Variants in FRY observed in about 807,000 individuals in gnomAD.
FRY encodes protein furry homolog.
A neutral mutation model predicts 348.4 loss-of-function variants in FRY; 128 were observed. The ratio of observed to expected loss-of-function variants is 0.37; its 90% CI spans 0.32 to 0.43. The LOEUF is 0.43. Ranked by LOEUF, FRY falls within the 20% of genes least tolerant of loss-of-function variation. The pLI, the probability that FRY is intolerant of heterozygous loss-of-function variation, is 1.00. For missense variants in FRY, 2,736 were observed against 3,695.2 expected, an observed-to-expected ratio of 0.74 and a Z score of 6.73; for synonymous variants, 1,370 against 1,374.7, an observed-to-expected ratio of 1.00 and a Z score of 0.08.
In FRY at chr13:32,234,728, G is replaced by A; in HGVS notation, c.5682G>A (p.Val1894=). Residue 1894 remains valine (V), a synonymous_variant, in exon 42 of 61, where the codon GTG becomes GTA. Coordinates refer to ENST00000542859, the MANE Select transcript of FRY (RefSeq NM_023037.3). ...HALSDLLSRL[V]EVIGEHGDEI... is the part of the protein sequence containing the mutation. ...TATCTGACCTTCTCTCAAGATTGGT[G>A]GAGGTGATAGGAGAACATGGAGATG... is the stretch of plus-strand genomic sequence containing the variant. The A allele has an allele frequency of 6.2e-7, 1 of 1,614,134 alleles. No homozygotes were observed. Among genetic ancestry groups the A allele is most frequent in the Non-Finnish European group, 8.5e-7 (1 of 1,180,000 alleles).
intron 55 of FRY, among the ~76,000 whole-genome samples, chr13:32,274,050 A>T (rs1034010359): frequency 6.6e-6 from 1 of 152,212 alleles, no homozygotes. Context: ...AGCATTTCAG[A>T]TAAGGGATAC....
chr13:32,292,790 C>CAATAAA (rs1555277255), intron 59 of FRY, among the ~76,000 whole-genome samples: 1 of 141,016 alleles, frequency 7.1e-6, no homozygotes, highest in Non-Finnish European at 1.5e-5. Flanking sequence ...GACTCCATCT[C>CAATAAA]AATAAATAAA....
intron 1 of FRY, among the ~76,000 whole-genome samples, chr13:32,059,590 A>G (rs1593569236): frequency 6.6e-6 from 1 of 151,370 alleles, no homozygotes; most frequent in East Asian, 1.9e-4. Context: ...GTTGTGTTAC[A>G]TGGTGATATT....
rs2138547017 is a variant in FRY, at chr13:32,262,469, T to C, written c.7773T>C (p.Gly2591=). ...TGAATAATCTGCAGATTTCTGAGGG[T>C]TCAAAGGTGAAGAGATTTTAACAAT... ...PDMNNLQISE[G]SKAEAVREEE... is the part of the protein sequence containing the mutation. The change falls in exon 53 of 61, where the codon GGT becomes GGC. Residue 2591 remains glycine, a synonymous_variant. Transcript: ENST00000542859. 1 of 1,612,140 alleles carries C rather than the reference T, an allele frequency of 6.2e-7. No individual in the cohort carries two copies. The highest frequency in any genetic ancestry group is 1.3e-5 in the African/African-American group (1 of 74,978).
chr13:32,059,766 C>T (rs1267688459), intron 1 of FRY, among the ~76,000 whole-genome samples: 10 of 152,134 alleles, frequency 6.6e-5, no homozygotes, highest in Admixed American at 5.2e-4. Context: ...ATGAGAAGGA[C>T]TTTACCCTCT....
rs1025105078 is a variant in FRY, at chr13:32,237,620, A to C, written c.6052A>C (p.Thr2018Pro). The change falls in exon 44 of 61, where the codon ACC becomes CCC. Residue 2018 changes from threonine to proline, a missense_variant. Physicochemically the swap from Thr to Pro is conservative, Grantham distance 38. Transcript: ENST00000542859. This position sits in a 1 kb window ranked among gnomAD's most constrained non-coding sequence, Gnocchi z 6.3. ...ACTQQGLSSK[T>P]RSSSSLKDSL... ...TACCCAACAAGGCCTCTCCTCAAAA[A>C]CCAGAAGCTCATCCTCCTTGAAGGA... 6.2e-7 allele frequency: 1 copy of C among 1,613,992 alleles called. No homozygotes were observed. Among genetic ancestry groups the C allele is most frequent in the East Asian group, 2.2e-5 (1 of 44,866 alleles).
chr13:32,031,999 C>CTCTTTCTT (rs11272632), intron 1 of FRY, 134 bp downstream of exon 1: 14,783 of 617,956 alleles, frequency 0.024, 252 homozygotes, highest in African/African-American at 0.034. Context: ...CTTTTCTTTT[C>CTCTTTCTT]TCTTTCTTTC....
chr13:32,285,110 C>T (rs1209772465), intron 58 of FRY, among the ~76,000 whole-genome samples: 1 of 152,060 alleles, frequency 6.6e-6, no homozygotes, highest in Non-Finnish European at 1.5e-5. Flanking sequence ...TGAAGAAAAT[C>T]CTCGTGACTA....
chr13:32,039,567 C>T (rs1041231680), intron 1 of FRY, among the ~76,000 whole-genome samples: 1 of 152,108 alleles, frequency 6.6e-6, no homozygotes, highest in African/African-American at 2.4e-5. Context: ...TCAGATATCT[C>T]ACCTATATTC....
intron 58 of FRY, among the ~76,000 whole-genome samples, chr13:32,284,116 G>C (rs1323241630): frequency 6.6e-6 from 1 of 152,204 alleles, no homozygotes; most frequent in Admixed American, 6.5e-5. Flanking sequence ...GTTTCCATAT[G>C]ATGTATTGTT....
intron 1 of FRY, chr13:32,061,183 A>G (rs977872153): frequency 7.5e-6 from 4 of 532,884 alleles, no homozygotes; most frequent in African/African-American, 5.8e-5. Flanking sequence ...AAAGGCTGTT[A>G]ATATGTGTGG....
chr13:32,228,664 G>A lies in FRY; in HGVS notation c.5405+10G>A, dbSNP rs758885893. ...AGTTTCTCACGACCAGGTAATAAGG[G>A]GTTAGGAGTCCGCTGCTGTTTGCAG... On this transcript the variant is annotated intron_variant, in intron 40 of 60. Coordinates refer to ENST00000542859, the MANE Select transcript of FRY (RefSeq NM_023037.3). The A allele has an allele frequency of 8.1e-6, 13 of 1,612,718 alleles. No homozygotes were observed. Among genetic ancestry groups the A allele is most frequent in the Non-Finnish European group, 1.1e-5 (13 of 1,178,700 alleles).
In FRY at chr13:32,082,045, G is replaced by C. The variant is rs1593591608; in HGVS notation, c.270+3012G>C. Among the ~76,000 whole-genome samples the C allele has an allele frequency of 5.9e-5, 9 of 152,162 alleles. No homozygotes were observed. The South Asian group carries it at 1.9e-3, about 32-fold the overall frequency. On this transcript the variant is annotated intron_variant, in intron 2 of 60. Coordinates refer to ENST00000542859, the MANE Select transcript of FRY (RefSeq NM_023037.3). ...GGCAAAGGTAATTTTCAAAAACTTG[G>C]AAGTATAGATTTACTATTTGGGGGA...
intron 29 of FRY, among the ~76,000 whole-genome samples, chr13:32,200,092 C>T (rs867888624): frequency 6.6e-6 from 1 of 152,160 alleles, no homozygotes; most frequent in Non-Finnish European, 1.5e-5. Flanking sequence ...ACTGGCCCCA[C>T]TCCTATGATA....
At chr13:32,135,903 T>G (rs564604575) in intron 10 of FRY, among the ~76,000 whole-genome samples, 3 of 152,208 alleles carry the variant, frequency 2.0e-5, no homozygotes, top group Non-Finnish European at 4.4e-5. Flanking sequence ...CTGGTAGTGG[T>G]GACAAATTTG....
At chr13:32,225,434 C>T (rs971099153) in intron 38 of FRY, among the ~76,000 whole-genome samples, 1 of 152,110 alleles carries the variant, frequency 6.6e-6, no homozygotes, top group Non-Finnish European at 1.5e-5. Flanking sequence ...GGGAACCAGC[C>T]AGGGAAACTC....
At chr13:32,250,358 A>G (rs1411717764) in intron 49 of FRY, among the ~76,000 whole-genome samples, 1 of 152,262 alleles carries the variant, frequency 6.6e-6, no homozygotes, top group Non-Finnish European at 1.5e-5. Context: ...CTTCAAGCAC[A>G]GTTGGCTCCT....
chr13:32,167,979 T>C (rs1289239366), intron 17 of FRY, among the ~76,000 whole-genome samples: 1 of 152,154 alleles, frequency 6.6e-6, no homozygotes, highest in Non-Finnish European at 1.5e-5. Context: ...TCAGGCTTTA[T>C]GTATCTATAT....
At chr13:32,254,806 A>C (rs1887252951) in intron 51 of FRY, among the ~76,000 whole-genome samples, 1 of 152,234 alleles carries the variant, frequency 6.6e-6, no homozygotes, top group Non-Finnish European at 1.5e-5. Context: ...ATTCCTTCAA[A>C]GCTTGCCTGC....
Sources: allele counts gnomAD v4.1 joint callset (sites outside exome capture counted in the v4.1 genomes callset), GRCh38; gene constraint gnomAD v4.1.1; non-coding constraint Gnocchi (gnomAD v3.1); transcripts MANE v1.5; gene names NCBI Gene and HGNC (gene_info 2026-07-23, HGNC 2026-07-21).